Variants in TBC1D22A observed in about 807,000 individuals in gnomAD.
TBC1D22A encodes the protein putative GTPase activator.
TBC1D22A carries 38 observed loss-of-function variants against 60.2 expected under a neutral mutation model. The ratio of observed to expected loss-of-function variants is 0.63; its 90% CI spans 0.49 to 0.83. The LOEUF (loss-of-function observed/expected upper bound fraction) is 0.83. TBC1D22A is among the 40% of genes least tolerant of loss of function. The pLI is 0.00. For synonymous variants in TBC1D22A, 302 were observed against 281.7 expected (o/e 1.07, Z -0.72); for missense variants, 628 against 701.0 (o/e 0.90, Z 1.18).
intron 8 of TBC1D22A, among the ~76,000 whole-genome samples, chr22:46,921,265 G>A (rs2070742602): frequency 6.6e-6 from 1 of 152,048 alleles, no homozygotes; most frequent in African/African-American, 2.4e-5. Context: ...GCAGGCCCTG[G>A]TGTCTATTGT....
intron 8 of TBC1D22A, among the ~76,000 whole-genome samples, chr22:46,947,401 G>C (rs4432): frequency 0.44 from 66,147 of 151,998 alleles, 15,179 homozygotes; most frequent in African/African-American, 0.59. Context: ...GTGACTTAGC[G>C]CTGCGCATTA....
chr22:46,965,777 C>T (rs1271855209), intron 8 of TBC1D22A, among the ~76,000 whole-genome samples: 1 of 152,232 alleles, frequency 6.6e-6, no homozygotes, highest in Non-Finnish European at 1.5e-5. Flanking sequence ...CGTGATGGTG[C>T]AGTCATTGGT....
intron 8 of TBC1D22A, among the ~76,000 whole-genome samples, chr22:46,952,182 T>A (rs1247637109): frequency 5.3e-5 from 6 of 112,796 alleles, no homozygotes; most frequent in African/African-American, 8.6e-5. Flanking sequence ...CCTCACAGCA[T>A]GTCCACATCT....
chr22:47,067,766 A>G (rs973488649), intron 11 of TBC1D22A, among the ~76,000 whole-genome samples: 2 of 152,220 alleles, frequency 1.3e-5, no homozygotes, highest in Admixed American at 1.3e-4. Flanking sequence ...GTGCGTGCAC[A>G]CACACACACT....
chr22:46,905,683 G>A (rs2147734773), intron 7 of TBC1D22A, among the ~76,000 whole-genome samples: 1 of 152,300 alleles, frequency 6.6e-6, no homozygotes, highest in South Asian at 2.1e-4. Context: ...AGAAGTTGGG[G>A]CCAAGGGAGC....
intron 8 of TBC1D22A, among the ~76,000 whole-genome samples, chr22:46,932,275 C>T (rs1204278871): frequency 1.3e-5 from 2 of 152,242 alleles, no homozygotes; most frequent in Admixed American, 1.3e-4. Context: ...GGTTGCCCGT[C>T]AAGGCCGTGC....
intron 1 of TBC1D22A, among the ~76,000 whole-genome samples, chr22:46,768,358 G>A (rs763363393): frequency 6.1e-4 from 93 of 151,912 alleles, no homozygotes; most frequent in Non-Finnish European, 8.7e-4. Context: ...GGTGGCAGGC[G>A]CCTGTAATCC....
intron 12 of TBC1D22A, among the ~76,000 whole-genome samples, chr22:47,153,508 G>A (rs1404483394): frequency 1.3e-5 from 2 of 152,050 alleles, no homozygotes; most frequent in Admixed American, 6.5e-5. Flanking sequence ...GAGAGAAGGG[G>A]GCCCGGTCTG....
chr22:47,151,603 G>T (rs2067506164), intron 12 of TBC1D22A, among the ~76,000 whole-genome samples: 1 of 152,158 alleles, frequency 6.6e-6, no homozygotes, highest in African/African-American at 2.4e-5. Context: ...GCCTCACTGG[G>T]GGTCCTGAGC....
At chr22:47,085,436 C>G (rs1718922084) in intron 11 of TBC1D22A, among the ~76,000 whole-genome samples, 1 of 152,102 alleles carries the variant, frequency 6.6e-6, no homozygotes, top group African/African-American at 2.4e-5. Context: ...TTTATCCATG[C>G]AGTCTTACAG....
At chr22:46,894,059 C>A (rs1350983297) in intron 6 of TBC1D22A, among the ~76,000 whole-genome samples, 1 of 152,198 alleles carries the variant, frequency 6.6e-6, no homozygotes, top group African/African-American at 2.4e-5. Flanking sequence ...CAGCATCTCC[C>A]TTGGCATTAA....
chr22:47,133,645 C>T (rs6007607), intron 12 of TBC1D22A, among the ~76,000 whole-genome samples: 43,552 of 152,116 alleles, frequency 0.29, 7,064 homozygotes, highest in East Asian at 0.6. Flanking sequence ...GTCCCTTCTG[C>T]CTGGGACTTA....
At chr22:46,917,974 G>GAT (rs2070491958) in intron 8 of TBC1D22A, among the ~76,000 whole-genome samples, 1 of 152,200 alleles carries the variant, frequency 6.6e-6, no homozygotes, top group Non-Finnish European at 1.5e-5. Context: ...GGGCCTGACC[G>GAT]CTGGGGTCCA....
At chr22:47,137,092 G>A (rs1045310816) in intron 12 of TBC1D22A, among the ~76,000 whole-genome samples, 11 of 152,152 alleles carry the variant, frequency 7.2e-5, no homozygotes, top group African/African-American at 4.8e-5. Flanking sequence ...GGAGGTCTTC[G>A]TGCCGTCTCG....
chr22:46,863,455 A>G (rs1480932483), intron 4 of TBC1D22A, among the ~76,000 whole-genome samples: 1 of 152,214 alleles, frequency 6.6e-6, no homozygotes, highest in Non-Finnish European at 1.5e-5. Context: ...CCACCAGAGC[A>G]GTGAGCTCAG....
chr22:47,056,512 C>A (rs1056329950), intron 11 of TBC1D22A, among the ~76,000 whole-genome samples: 3 of 152,118 alleles, frequency 2.0e-5, no homozygotes, highest in Admixed American at 6.5e-5. Flanking sequence ...TTGTCTTGTG[C>A]CCCGTGCCAT....
At chr22:47,118,140 A>G (rs76177655) in intron 12 of TBC1D22A, among the ~76,000 whole-genome samples, 3,442 of 152,212 alleles carry the variant, frequency 0.023, 119 homozygotes, top group African/African-American at 0.079. Context: ...ATACATAAAA[A>G]ATAAGGTGGA....
intron 11 of TBC1D22A, among the ~76,000 whole-genome samples, chr22:47,037,460 G>T (rs771649974): frequency 1.3e-5 from 2 of 152,040 alleles, no homozygotes; most frequent in Non-Finnish European, 2.9e-5. Flanking sequence ...GCAAAACCCC[G>T]TCTCTACTAA....
intron 12 of TBC1D22A, among the ~76,000 whole-genome samples, chr22:47,128,694 A>T (rs1464808690): frequency 6.6e-6 from 1 of 152,136 alleles, no homozygotes; most frequent in African/African-American, 2.4e-5. Flanking sequence ...CTGGGGAAAG[A>T]GCAGCTGGAA....
Sources: allele counts gnomAD v4.1 joint callset (sites outside exome capture counted in the v4.1 genomes callset), GRCh38; gene constraint gnomAD v4.1.1; transcripts MANE v1.5; gene names NCBI Gene and HGNC (gene_info 2026-07-23, HGNC 2026-07-21).